MGAT5B: variants seen among roughly 807,000 people sequenced by gnomAD.
MGAT5B encodes the protein N-acetylglucosaminyl-transferase Vb.
In MGAT5B, 54 loss-of-function variants were observed where a neutral mutation model predicts 95.1. The ratio of observed to expected loss-of-function variants is 0.57; its 90% CI spans 0.46 to 0.71. MGAT5B has a LOEUF of 0.71. Among genes scored for constraint, MGAT5B ranks in the 30% least tolerant of loss-of-function variants. The pLI is 0.00. For synonymous variants in MGAT5B, 464 were observed against 451.0 expected, an observed-to-expected ratio of 1.03 and a Z score of -0.36; for missense variants, 935 against 1,088.6, an observed-to-expected ratio of 0.86 and a Z score of 1.99.
intron 3 of MGAT5B, among the ~76,000 whole-genome samples, chr17:76,896,870 G>A (rs1216542911): frequency 6.6e-6 from 1 of 152,126 alleles, no homozygotes; most frequent in East Asian, 1.9e-4. Context: ...CGTGGTTGCT[G>A]AAAAGAACTT....
chr17:76,920,022 C>G (rs915459836), intron 8 of MGAT5B, among the ~76,000 whole-genome samples: 1 of 152,188 alleles, frequency 6.6e-6, no homozygotes, highest in Non-Finnish European at 1.5e-5. Flanking sequence ...CTGGACCACC[C>G]TACCCCTACC....
chr17:76,883,069 C>T (rs916947675), intron 3 of MGAT5B, among the ~76,000 whole-genome samples: 1 of 151,942 alleles, frequency 6.6e-6, no homozygotes, highest in African/African-American at 2.4e-5. Flanking sequence ...ACGATCTTGG[C>T]TCACTGCAAC....
intron 3 of MGAT5B, among the ~76,000 whole-genome samples, chr17:76,900,481 A>G (rs1339827061): frequency 6.6e-6 from 1 of 152,160 alleles, no homozygotes; most frequent in South Asian, 2.1e-4. Context: ...TCTTATAAAG[A>G]GAGGAAAGTG....
Position 76,932,747 on chromosome 17 carries a change from T to C in MGAT5B, c.1394T>C (p.Val465Ala), listed in dbSNP as rs762760527. The change falls in exon 11 of 18, where the codon GTG becomes GCG. Residue 465 changes from valine (V) to alanine (A), a missense_variant. Physicochemically the swap from Val to Ala is moderately conservative, Grantham distance 64. Coordinates refer to ENST00000569840, the MANE Select transcript of MGAT5B (RefSeq NM_001199172.2). ...GGCAAGGCCAGCAACATGGCCGTGGTGTACGGCAAGGAGGCGAGCATCTGG... is the reference window on the plus strand; with the variant it reads ...GGCAAGGCCAGCAACATGGCCGTGGCGTACGGCAAGGAGGCGAGCATCTGG... Reference protein sequence around the residue: ...KGGKASNMAVVYGKEASIWKL... With the variant: ...KGGKASNMAVAYGKEASIWKL... 1.9e-6 allele frequency: 3 copies of C among 1,613,686 alleles called. No homozygotes were observed. The highest frequency in any genetic ancestry group is 2.7e-5 in the African/African-American group (2 of 74,926).
intron 3 of MGAT5B, among the ~76,000 whole-genome samples, chr17:76,899,064 C>G (rs910943080): frequency 6.6e-6 from 1 of 152,174 alleles, no homozygotes; most frequent in African/African-American, 2.4e-5. Context: ...TCTTGCAAGA[C>G]GGATGGAGAG....
chr17:76,912,126 C>A lies in MGAT5B; in HGVS notation c.1025+5939C>A, dbSNP rs1426761461. Among the ~76,000 whole-genome samples the A allele has an allele frequency of 2.0e-5, 3 of 152,220 alleles. No individual in the cohort carries two copies. Among genetic ancestry groups the A allele is most frequent in the African/African-American group, 7.2e-5 (3 of 41,454 alleles). Reference sequence around the variant, plus strand: ...AGGACCTATTGGATTAGGGCCCACCCTAATGCCCTCACGTTAACTCCATTA... The same window carrying A: ...AGGACCTATTGGATTAGGGCCCACCATAATGCCCTCACGTTAACTCCATTA... On this transcript the variant is annotated intron_variant, in intron 8 of 17. Coordinates refer to ENST00000569840, the MANE Select transcript of MGAT5B (RefSeq NM_001199172.2). The surrounding 1 kb of genome is among the most constrained non-coding windows in gnomAD (Gnocchi z 5.0).
At chr17:76,884,721 A>T (rs902623970) in intron 3 of MGAT5B, among the ~76,000 whole-genome samples, 3 of 151,392 alleles carry the variant, frequency 2.0e-5, no homozygotes, top group Non-Finnish European at 4.4e-5. Context: ...CTCCTGCCTC[A>T]GTCTCCTGAG....
Position 76,905,338 on chromosome 17 carries a change from G to A in MGAT5B, c.855+5G>A, listed in dbSNP as rs766921105. ...ACCCAGAGGGACCAGAAGCAGGTGCGTGGCCCCTGCCCCCTCATGTGCAGG... is the reference window on the plus strand; with the variant it reads ...ACCCAGAGGGACCAGAAGCAGGTGCATGGCCCCTGCCCCCTCATGTGCAGG... On this transcript the variant is annotated splice_donor_5th_base_variant and intron_variant, in intron 7 of 17. Coordinates refer to ENST00000569840, the MANE Select transcript of MGAT5B (RefSeq NM_001199172.2). The surrounding 1 kb of genome is among the most constrained non-coding windows in gnomAD (Gnocchi z 4.2). 1.5e-5 allele frequency: 24 copies of A among 1,580,272 alleles called. No individual in the cohort carries two copies. The highest frequency in any genetic ancestry group is 5.3e-5 in the Admixed American group (3 of 56,870).
chr17:76,926,484 T>A, intron 9 of MGAT5B, 113 bp from the exon 10 acceptor site: 2 of 1,046,672 alleles, frequency 1.9e-6, no homozygotes, highest in Non-Finnish European at 2.8e-6. Context: ...ACACACACTG[T>A]GCTACTCTGA....
chr17:76,903,293 C>T lies in MGAT5B; in HGVS notation c.446-10C>T. On this transcript the variant is annotated splice_polypyrimidine_tract_variant and intron_variant, in intron 4 of 17. Transcript: ENST00000569840. The stretch of plus-strand genomic sequence containing the variant: ...ACCAGGGACTTCAGCAAGGTGACCT[C>T]TCCCTACAGTGTCAGAAGGCCGGCG... 2 of 1,609,154 alleles carry T rather than the reference C, an allele frequency of 1.2e-6. No individual in the cohort carries two copies. Among genetic ancestry groups the T allele is most frequent in the Non-Finnish European group, 1.7e-6 (2 of 1,177,604 alleles).
At chr17:76,882,130 A>G in intron 2 of MGAT5B, 21 bp from the exon 3 acceptor site, 1 of 1,597,484 alleles carries the variant, frequency 6.3e-7, no homozygotes, top group African/African-American at 1.3e-5. Flanking sequence ...TCCCCTAACC[A>G]TACCCACACT....
In MGAT5B at chr17:76,868,654, G is replaced by T. The variant is rs1288910756; in HGVS notation, c.-376G>T. 6.7e-6 allele frequency: 1 copy of T among 148,424 alleles called. No individual in the cohort carries two copies. The highest frequency in any genetic ancestry group is 2.1e-4 in the South Asian group (1 of 4,832). The allele number at this position is 148,424 out of a possible 1,614,324, so 9.2% of individuals were successfully genotyped here. A position where few individuals can be genotyped will look rare whatever the true frequency, so the allele number is the denominator to read the frequency against. On this transcript the variant is annotated 5_prime_UTR_variant, in exon 1 of 18. Transcript: ENST00000569840. This position sits in a 1 kb window ranked among gnomAD's most constrained non-coding sequence, Gnocchi z 6.3. ...AGCCGGCACCGAGGGCGCGGGGCCG[G>T]GGATGAGGGCGCCCGCCGCGGGGAG...
chr17:76,901,970 A>C (rs1968327912), intron 3 of MGAT5B, among the ~76,000 whole-genome samples: 1 of 152,278 alleles, frequency 6.6e-6, no homozygotes. Flanking sequence ...TCACATGTGC[A>C]GATATGGGCA....
At position 76,914,166 on chromosome 17, in the gene MGAT5B, A is replaced by G. The variant is rs1258804098; in HGVS notation, c.1025+7979A>G. The G allele has an allele frequency of 5.4e-6, 1 of 184,502 alleles. No homozygotes were observed. The highest frequency in any genetic ancestry group is 1.1e-5 in the Non-Finnish European group (1 of 87,392). The allele number at this position is 184,502 out of a possible 1,614,324, so 11.4% of individuals were successfully genotyped here. ...AGGAAGGAAGGAGAGAGAGAAAGAA[A>G]GAGAATTTGGCCACAAAGATGTCAT... On this transcript the variant is annotated intron_variant, in intron 8 of 17. Coordinates refer to ENST00000569840, the MANE Select transcript of MGAT5B (RefSeq NM_001199172.2). This position sits in a 1 kb window ranked among gnomAD's most constrained non-coding sequence, Gnocchi z 5.1.
Position 76,933,294 on chromosome 17 carries a change from C to A in MGAT5B, c.1425C>A (p.Leu475=), listed in dbSNP as rs1969554155. Reference sequence around the variant, plus strand: ...TGCTCCCCCTGGCCACGAGGCAGCTCCAGGTATGGAAACCGCTTGCCGCCT... The same window carrying A: ...TGCTCCCCCTGGCCACGAGGCAGCTACAGGTATGGAAACCGCTTGCCGCCT... The part of the protein sequence containing the change: ...VYGKEASIWK[L]QGKEKFLGIL... The change falls in exon 12 of 18, where the codon CTC becomes CTA. Residue 475 remains leucine, a splice_region_variant and synonymous_variant. Transcript: ENST00000569840. 6.3e-7 allele frequency: 1 copy of A among 1,598,218 alleles called. No individual in the cohort carries two copies. The highest frequency in any genetic ancestry group is 1.3e-5 in the African/African-American group (1 of 74,918).
intron 15 of MGAT5B, chr17:76,943,974 C>A: frequency 6.6e-6 from 1 of 152,272 alleles, no homozygotes. Context: ...AACCAGGGCC[C>A]GGCACCCCTT....
chr17:76,947,595 C>A (rs1465249078), intron 16 of MGAT5B, among the ~76,000 whole-genome samples: 1 of 152,196 alleles, frequency 6.6e-6, no homozygotes, highest in Non-Finnish European at 1.5e-5. Context: ...TGCCATCCAA[C>A]CCCAAGGCCC....
chr17:76,925,403 G>A (rs1471094777), intron 9 of MGAT5B, among the ~76,000 whole-genome samples: 1 of 148,966 alleles, frequency 6.7e-6, no homozygotes, highest in East Asian at 2.0e-4. Flanking sequence ...GAAGAGAAGA[G>A]TATAACGGAA....
chr17:76,890,308 C>T (rs1967818253), intron 3 of MGAT5B, among the ~76,000 whole-genome samples: 2 of 152,248 alleles, frequency 1.3e-5, no homozygotes, highest in African/African-American at 4.8e-5. Context: ...ACTGGGACTT[C>T]ATCCAGAAGG....
Sources: gnomAD v4.1 joint callset for allele counts (sites outside exome capture counted in the v4.1 genomes callset) on GRCh38, gnomAD v4.1.1 for gene constraint, Gnocchi (gnomAD v3.1) non-coding constraint, MANE v1.5 for transcripts, NCBI Gene and HGNC (gene_info 2026-07-23, HGNC 2026-07-21) for gene names.